The following FHIT variants were observed in gnomAD, a reference collection of about 807,000 sequenced individuals.
The protein encoded by FHIT is bis(5'-adenosyl)-triphosphatase.
Under a neutral mutation model 17.9 loss-of-function variants are expected in FHIT, and 19 were observed. The ratio of observed to expected loss-of-function variants is 1.06; its 90% CI spans 0.74 to 1.56. FHIT has a LOEUF of 1.56. Among genes scored for constraint, FHIT ranks in the 40% most tolerant of loss-of-function variants. The pLI is 0.00. For missense variants in FHIT, 248 were observed against 189.2 expected, an observed-to-expected ratio of 1.31 and a Z score of -1.82; for synonymous variants, 81 against 69.7, an observed-to-expected ratio of 1.16 and a Z score of -0.81.
intron 5 of FHIT, among the ~76,000 whole-genome samples, chr3:60,054,751 T>C (rs1276803522): frequency 6.6e-6 from 1 of 152,162 alleles, no homozygotes; most frequent in African/African-American, 2.4e-5. Context: ...ATTTTCTTTG[T>C]TGTGTTGGTG....
intron 6 of FHIT, among the ~76,000 whole-genome samples, chr3:60,013,054 G>A (rs1347253548): frequency 1.3e-5 from 2 of 152,106 alleles, no homozygotes; most frequent in Non-Finnish European, 2.9e-5. Flanking sequence ...AAAGCATTTG[G>A]GGGAAGTTTA....
chr3:59,889,549 G>C (rs1163159441), intron 8 of FHIT, among the ~76,000 whole-genome samples: 1 of 152,170 alleles, frequency 6.6e-6, no homozygotes, highest in Non-Finnish European at 1.5e-5. Flanking sequence ...TTGCATTCTT[G>C]AGAAAAACTT....
At chr3:61,141,171 C>A (rs762488786) in intron 2 of FHIT, among the ~76,000 whole-genome samples, 2 of 151,968 alleles carry the variant, frequency 1.3e-5, no homozygotes, top group Non-Finnish European at 2.9e-5. Flanking sequence ...TTCTTTCAAG[C>A]CGACTCTCGG....
chr3:61,048,873 G>C (rs1365024153), intron 2 of FHIT, among the ~76,000 whole-genome samples: 1 of 152,020 alleles, frequency 6.6e-6, no homozygotes, highest in Non-Finnish European at 1.5e-5. Context: ...ACTATCACAA[G>C]GACAGAAAAC....
At chr3:60,225,643 G>A (rs979544618) in intron 5 of FHIT, among the ~76,000 whole-genome samples, 1 of 152,130 alleles carries the variant, frequency 6.6e-6, no homozygotes, top group Non-Finnish European at 1.5e-5. Flanking sequence ...TTGAGTAGAC[G>A]CTTACTTCTC....
intron 5 of FHIT, among the ~76,000 whole-genome samples, chr3:60,220,011 C>T (rs1450549038): frequency 6.6e-6 from 1 of 152,016 alleles, no homozygotes; most frequent in Non-Finnish European, 1.5e-5. Context: ...GGACATCAGT[C>T]CCCCTGATAC....
At chr3:61,232,384 C>T (rs1363711369) in intron 1 of FHIT, among the ~76,000 whole-genome samples, 2 of 152,048 alleles carry the variant, frequency 1.3e-5, no homozygotes, top group East Asian at 1.9e-4. Context: ...AAGACCTTGT[C>T]TCAAAAGAAA....
intron 4 of FHIT, among the ~76,000 whole-genome samples, chr3:60,604,615 T>C (rs2107719130): frequency 6.6e-6 from 1 of 152,274 alleles, no homozygotes; most frequent in East Asian, 1.9e-4. Flanking sequence ...TAACAAATTA[T>C]GTCATTTCTT....
chr3:60,397,374 G>A (rs1701487367), intron 5 of FHIT, among the ~76,000 whole-genome samples: 1 of 152,112 alleles, frequency 6.6e-6, no homozygotes. Context: ...AGGAGGTTTG[G>A]GAAGAAGGAG....
intron 4 of FHIT, among the ~76,000 whole-genome samples, chr3:60,707,145 T>C (rs1200773607): frequency 1.3e-5 from 2 of 152,110 alleles, no homozygotes; most frequent in African/African-American, 2.4e-5. Context: ...TGGCAGGGAA[T>C]GGAATAGGAA....
intron 7 of FHIT, among the ~76,000 whole-genome samples, chr3:59,962,762 A>G (rs1707745529): frequency 6.6e-6 from 1 of 152,234 alleles, no homozygotes. Flanking sequence ...ACTTAAAGCA[A>G]TTGTTCACAC....
chr3:60,528,613 T>C (rs918324273), intron 5 of FHIT, among the ~76,000 whole-genome samples: 6 of 152,216 alleles, frequency 3.9e-5, no homozygotes, highest in African/African-American at 7.2e-5. Context: ...CTTGACTTAA[T>C]TGGTCTTGAA....
rs116013330 is a variant in FHIT at position 60,072,789 on chromosome 3, G to A, written c.104-58637C>T. On this transcript the variant is annotated intron_variant, in intron 5 of 9. Transcript: ENST00000492590. ...TATTGACAGTATCTATGAAGCTAGC[G>A]CTTCATGGTATCAGGATATGATACT... Among the ~76,000 whole-genome samples the A allele has an allele frequency of 6.4e-3, 974 of 152,266 alleles. 11 individuals carry two copies. Among genetic ancestry groups the A allele is most frequent in the African/African-American group, 0.022 (910 of 41,554 alleles).
rs4021917 is a variant in FHIT at position 60,476,848 on chromosome 3, ATTT to A, written c.103+60009_103+60011del. On this transcript the variant is annotated intron_variant, in intron 5 of 9. Coordinates refer to ENST00000492590, the MANE Select transcript of FHIT (RefSeq NM_002012.4). ...TCTCGTCCTGGACACCCGGGGAAGGATTTTTTTTTTTTTTAAGAAGCCTTTTCC... is the reference window on the plus strand; with the variant it reads ...TCTCGTCCTGGACACCCGGGGAAGGATTTTTTTTTTTAAGAAGCCTTTTCC... Among the ~76,000 whole-genome samples, 1,058 of 147,086 alleles carry A rather than the reference ATTT, an allele frequency of 7.2e-3. 5 individuals are homozygous for A. The highest frequency in any genetic ancestry group is 0.012 in the Non-Finnish European group (783 of 66,420).
At chr3:60,859,134 A>T (rs1239265432) in intron 3 of FHIT, among the ~76,000 whole-genome samples, 1 of 152,176 alleles carries the variant, frequency 6.6e-6, no homozygotes, top group African/African-American at 2.4e-5. Flanking sequence ...ATAAAGCCCC[A>T]CTAAGAGCAG....
chr3:60,002,675 T>C (rs947219455), intron 7 of FHIT, among the ~76,000 whole-genome samples: 2 of 152,190 alleles, frequency 1.3e-5, no homozygotes, highest in East Asian at 1.9e-4. Context: ...CTATTATTCA[T>C]TAAGCTGGTT....
At chr3:60,638,158 G>T (rs1559604220) in intron 4 of FHIT, among the ~76,000 whole-genome samples, 1 of 152,104 alleles carries the variant, frequency 6.6e-6, no homozygotes, top group Non-Finnish European at 1.5e-5. Context: ...TTAACAAAAA[G>T]AAACTAAGGG....
intron 3 of FHIT, among the ~76,000 whole-genome samples, chr3:60,941,199 C>G (rs1280246076): frequency 6.6e-6 from 1 of 152,184 alleles, no homozygotes; most frequent in Non-Finnish European, 1.5e-5. Flanking sequence ...ACTCAACAGT[C>G]ACATGTAGCT....
At chr3:59,949,797 T>C (rs1015099303) in intron 7 of FHIT, among the ~76,000 whole-genome samples, 1 of 152,254 alleles carries the variant, frequency 6.6e-6, no homozygotes, top group Non-Finnish European at 1.5e-5. Context: ...GGCAATTGTT[T>C]AGCACCTCTA....
Sources: allele counts gnomAD v4.1 joint callset (sites outside exome capture counted in the v4.1 genomes callset), GRCh38; gene constraint gnomAD v4.1.1; transcripts MANE v1.5; gene names NCBI Gene and HGNC (gene_info 2026-07-23, HGNC 2026-07-21).